The following PPP6R3 variants were observed in gnomAD, a reference collection of about 807,000 sequenced individuals.
PPP6R3 encodes the protein serine/threonine-protein phosphatase 6 regulatory subunit 3.
PPP6R3 carries 38 observed loss-of-function variants against 110.7 expected under a neutral mutation model. The observed-to-expected ratio is 0.34, with a 90% CI of 0.26 to 0.45. PPP6R3 has a LOEUF of 0.45. PPP6R3 is among the 20% of genes least tolerant of loss of function. The pLI is 1.00. For synonymous variants in PPP6R3, 369 were observed against 373.5 expected, an observed-to-expected ratio of 0.99 and a Z score of 0.14; for missense variants, 870 against 1,062.4, an observed-to-expected ratio of 0.82 and a Z score of 2.52.
At chr11:68,488,398 T>C (rs2098962180) in intron 1 of PPP6R3, among the ~76,000 whole-genome samples, 1 of 152,204 alleles carries the variant, frequency 6.6e-6, no homozygotes, top group South Asian at 2.1e-4. Context: ...GGTCTTGAGC[T>C]CCTGGGCTCA....
chr11:68,484,490 T>C (rs1187807364), intron 1 of PPP6R3, among the ~76,000 whole-genome samples: 1 of 152,116 alleles, frequency 6.6e-6, no homozygotes, highest in Non-Finnish European at 1.5e-5. Flanking sequence ...GCTTACTTGC[T>C]GTCTGTAATG....
chr11:68,515,515 G>A (rs1176719845), intron 1 of PPP6R3, among the ~76,000 whole-genome samples: 8 of 152,216 alleles, frequency 5.3e-5, no homozygotes, highest in Non-Finnish European at 8.8e-5. Flanking sequence ...CTTGCAAACC[G>A]ATGTTCCAAA....
At chr11:68,542,390 T>TTTTTTTTTTG (rs1592823925) in intron 3 of PPP6R3, among the ~76,000 whole-genome samples, 1 of 54,662 alleles carries the variant, frequency 1.8e-5, no homozygotes, top group East Asian at 4.8e-4. Context: ...GAAGCTGCTG[T>TTTTTTTTTTG]TTTTTTTTTT....
intron 2 of PPP6R3, among the ~76,000 whole-genome samples, chr11:68,529,031 A>G (rs1189043808): frequency 6.6e-6 from 1 of 152,200 alleles, no homozygotes; most frequent in Non-Finnish European, 1.5e-5. Context: ...GGAATAATCA[A>G]GGGATGCTGT....
In PPP6R3 at chr11:68,554,147, A is replaced by G. The variant is rs766174809; in HGVS notation, c.621A>G (p.Arg207=). 1 of 1,601,910 alleles carries G rather than the reference A, an allele frequency of 6.2e-7. No individual in the cohort carries two copies. Among genetic ancestry groups the G allele is most frequent in the Non-Finnish European group, 8.5e-7 (1 of 1,175,364 alleles). The part of the protein sequence containing the change: ...EIVHPSQEED[R]HSNASQSLCE... Reference sequence around the variant, plus strand: ...AAAATTGTACTTTTTTCCTTTAGCGACATTCAAATGCATCACAATCACTTT... The same window carrying G: ...AAAATTGTACTTTTTTCCTTTAGCGGCATTCAAATGCATCACAATCACTTT... Residue 207 remains arginine (R), a splice_region_variant and synonymous_variant, in exon 7 of 24, where the codon CGA becomes CGG. Transcript: ENST00000393800.
intron 9 of PPP6R3, among the ~76,000 whole-genome samples, chr11:68,566,097 G>A (rs1016870805): frequency 5.9e-5 from 9 of 152,182 alleles, no homozygotes; most frequent in African/African-American, 1.9e-4. Context: ...TGATGGACAA[G>A]AACAGGTTTA....
At chr11:68,589,605 G>A (rs1039298479) in intron 16 of PPP6R3, among the ~76,000 whole-genome samples, 1 of 152,186 alleles carries the variant, frequency 6.6e-6, no homozygotes, top group African/African-American at 2.4e-5. Flanking sequence ...AAGGCAGCTG[G>A]TATTTGAATA....
At position 68,489,175 on chromosome 11, in the gene PPP6R3, C is replaced by T. The variant is rs1156798876; in HGVS notation, c.-158+28348C>T. 5.9e-5 allele frequency among the ~76,000 whole-genome samples: 9 copies of T among 151,848 alleles called. No homozygotes were observed. In the South Asian group the frequency reaches 8.3e-4, roughly 14 times the overall value. Reference sequence around the variant, plus strand: ...CTGGGACTACAGGTGTCTGCCACCACGCCCGGCTAATTTTTTTGTATTTTT... The same window carrying T: ...CTGGGACTACAGGTGTCTGCCACCATGCCCGGCTAATTTTTTTGTATTTTT... On this transcript the variant is annotated intron_variant, in intron 1 of 23. Transcript: ENST00000393800.
intron 1 of PPP6R3, among the ~76,000 whole-genome samples, chr11:68,462,879 C>G (rs1343251068): frequency 6.6e-6 from 1 of 152,142 alleles, no homozygotes; most frequent in Non-Finnish European, 1.5e-5. Flanking sequence ...AGATGAGTAT[C>G]TTGCTGGTGG....
At chr11:68,525,920 T>C (rs879156691) in intron 2 of PPP6R3, among the ~76,000 whole-genome samples, 1 of 152,252 alleles carries the variant, frequency 6.6e-6, no homozygotes, top group African/African-American at 2.4e-5. Flanking sequence ...CAAACCACAC[T>C]GACTTGGATT....
intron 15 of PPP6R3, chr11:68,587,649 C>G: frequency 2.1e-6 from 1 of 479,246 alleles, no homozygotes; most frequent in South Asian, 2.1e-5. Context: ...TAATCCAAAC[C>G]TCTCTCTAAA....
intron 1 of PPP6R3, among the ~76,000 whole-genome samples, chr11:68,480,156 A>G (rs1203262804): frequency 1.3e-5 from 2 of 152,068 alleles, no homozygotes; most frequent in African/African-American, 4.8e-5. Flanking sequence ...TATTTTCTAT[A>G]ATGTGTTGTT....
At chr11:68,534,107 TG>T (rs1440404005) in intron 2 of PPP6R3, among the ~76,000 whole-genome samples, 2 of 152,196 alleles carry the variant, frequency 1.3e-5, no homozygotes, top group African/African-American at 2.4e-5. Flanking sequence ...AACTCTGTCA[TG>T]TGGCCACACC....
intron 1 of PPP6R3, among the ~76,000 whole-genome samples, chr11:68,495,408 G>T (rs2099009408): frequency 6.6e-6 from 1 of 152,130 alleles, no homozygotes; most frequent in African/African-American, 2.4e-5. Flanking sequence ...TATATTCATG[G>T]AGTTGTACAA....
chr11:68,485,886 T>G (rs1485139188), intron 1 of PPP6R3, among the ~76,000 whole-genome samples: 1 of 151,986 alleles, frequency 6.6e-6, no homozygotes, highest in East Asian at 1.9e-4. Context: ...TAAAGCAGCC[T>G]TGGCTGGGCA....
intron 4 of PPP6R3, 148 bp from the exon 5 acceptor site, chr11:68,547,919 A>G: frequency 3.7e-6 from 3 of 806,706 alleles, no homozygotes; most frequent in East Asian, 3.0e-5. Flanking sequence ...AGGCTTTCCA[A>G]TTTGATACCT....
At chr11:68,496,610 T>A (rs1016038466) in intron 1 of PPP6R3, among the ~76,000 whole-genome samples, 1 of 151,428 alleles carries the variant, frequency 6.6e-6, no homozygotes, top group African/African-American at 2.4e-5. Context: ...GTAGCTGGGA[T>A]TACAGGTGTG....
chr11:68,493,820 C>T (rs114791020), intron 1 of PPP6R3, among the ~76,000 whole-genome samples: 3,230 of 151,284 alleles, frequency 0.021, 123 homozygotes, highest in African/African-American at 0.074. Flanking sequence ...CGCTAGTACC[C>T]GGCCAGGCAC....
At chr11:68,600,115 C>A (rs746277417) in intron 19 of PPP6R3, among the ~76,000 whole-genome samples, 3 of 151,676 alleles carry the variant, frequency 2.0e-5, no homozygotes, top group Non-Finnish European at 4.4e-5. Flanking sequence ...GAGCGAGACT[C>A]CATCTCAAAA....
Sources: allele counts gnomAD v4.1 joint callset (sites outside exome capture counted in the v4.1 genomes callset), GRCh38; gene constraint gnomAD v4.1.1; transcripts MANE v1.5; gene names NCBI Gene and HGNC (gene_info 2026-07-23, HGNC 2026-07-21).